The following NCOA2 variants were observed in gnomAD, a reference collection of about 807,000 sequenced individuals.
NCOA2 encodes the protein nuclear receptor coactivator 2.
Under a neutral mutation model 145.1 loss-of-function variants are expected in NCOA2, and 21 were observed. The observed-to-expected ratio is 0.14, with a 90% CI of 0.10 to 0.21. NCOA2 has a LOEUF of 0.21. NCOA2 is among the 10% of genes least tolerant of loss of function. The pLI is 1.00. For missense variants in NCOA2, 1,472 were observed against 1,837.6 expected (o/e 0.80, Z 3.64); for synonymous variants, 619 against 637.5 (o/e 0.97, Z 0.44).
At chr8:70,128,094 G>T (rs140695891) in intron 18 of NCOA2, among the ~76,000 whole-genome samples, 1 of 152,346 alleles carries the variant, frequency 6.6e-6, no homozygotes, top group African/African-American at 2.4e-5. Context: ...AAGGTTATGT[G>T]TTGACTGGAT....
chr8:70,228,004 C>CAAAAAAAAAAAAAAAAA, intron 2 of NCOA2, among the ~76,000 whole-genome samples: 1 of 112,282 alleles, frequency 8.9e-6, no homozygotes, highest in Non-Finnish European at 1.7e-5. Flanking sequence ...GACTCCATCT[C>CAAAAAAAAAAAAAAAAA]AAAAAAAAAA....
At chr8:70,339,431 G>C (rs1221249922) in intron 1 of NCOA2, among the ~76,000 whole-genome samples, 1 of 152,088 alleles carries the variant, frequency 6.6e-6, no homozygotes, top group Non-Finnish European at 1.5e-5. Context: ...CGAAATCACA[G>C]AGGAGACAAA....
chr8:70,285,939 A>G (rs547286911), intron 2 of NCOA2, among the ~76,000 whole-genome samples: 1 of 152,296 alleles, frequency 6.6e-6, no homozygotes, highest in South Asian at 2.1e-4. Context: ...CTACCTGACA[A>G]TATGATTTAA....
chr8:70,258,457 A>G (rs1823840832), intron 2 of NCOA2, among the ~76,000 whole-genome samples: 1 of 152,152 alleles, frequency 6.6e-6, no homozygotes, highest in Admixed American at 6.5e-5. Context: ...GTTTTTCTTT[A>G]TCTGCTATTT....
chr8:70,342,542 C>G (rs755697442), intron 1 of NCOA2, among the ~76,000 whole-genome samples: 3 of 152,010 alleles, frequency 2.0e-5, no homozygotes, highest in Non-Finnish European at 4.4e-5. Flanking sequence ...CAGCTTCCTT[C>G]TCTGGTTCTA....
intron 2 of NCOA2, among the ~76,000 whole-genome samples, chr8:70,223,804 T>C (rs1366183743): frequency 6.6e-6 from 1 of 152,210 alleles, no homozygotes; most frequent in Non-Finnish European, 1.5e-5. Context: ...ATCCAAACAG[T>C]TCCTCAATTC....
intron 2 of NCOA2, among the ~76,000 whole-genome samples, chr8:70,256,289 G>C (rs1215033540): frequency 6.6e-6 from 1 of 152,160 alleles, no homozygotes; most frequent in African/African-American, 2.4e-5. Context: ...AATGGAGGCA[G>C]ATTTGCAAGT....
At chr8:70,250,652 A>G (rs975417873) in intron 2 of NCOA2, among the ~76,000 whole-genome samples, 2 of 152,198 alleles carry the variant, frequency 1.3e-5, no homozygotes, top group Non-Finnish European at 2.9e-5. Flanking sequence ...CTAAATTTCT[A>G]TAATACAAAT....
intron 2 of NCOA2, among the ~76,000 whole-genome samples, chr8:70,252,674 C>T (rs1387753272): frequency 6.6e-6 from 1 of 152,196 alleles, no homozygotes; most frequent in African/African-American, 2.4e-5. Flanking sequence ...TCAAGTATTA[C>T]ACAGGTCATT....
the NCOA2 span, among the ~76,000 whole-genome samples, chr8:70,450,516 G>A: frequency 6.8e-6 from 1 of 147,210 alleles, no homozygotes; most frequent in South Asian, 2.2e-4. Context: ...ACTACCCAGT[G>A]TATGATACTT....
intron 1 of NCOA2, among the ~76,000 whole-genome samples, chr8:70,371,580 T>C (rs1811220370): frequency 6.6e-6 from 1 of 152,218 alleles, no homozygotes; most frequent in South Asian, 2.1e-4. Flanking sequence ...AAGTGATTTA[T>C]AGATATTCCT....
At chr8:70,147,915 G>A (rs1811283818) in intron 12 of NCOA2, among the ~76,000 whole-genome samples, 1 of 152,170 alleles carries the variant, frequency 6.6e-6, no homozygotes, top group Non-Finnish European at 1.5e-5. Context: ...GCTCCCAAAT[G>A]TTATATATTT....
chr8:70,198,061 A>G (rs1206522169), intron 4 of NCOA2, among the ~76,000 whole-genome samples: 1 of 152,152 alleles, frequency 6.6e-6, no homozygotes, highest in Non-Finnish European at 1.5e-5. Context: ...TTGGCCTCCC[A>G]AAGTGTTGGA....
intron 1 of NCOA2, among the ~76,000 whole-genome samples, chr8:70,398,485 A>G (rs1357746081): frequency 6.6e-6 from 1 of 152,098 alleles, no homozygotes; most frequent in Non-Finnish European, 1.5e-5. Context: ...AATAACAACA[A>G]CAGCAAGACC....
chr8:70,181,715 T>G (rs1228752034), intron 4 of NCOA2, among the ~76,000 whole-genome samples: 2 of 152,226 alleles, frequency 1.3e-5, no homozygotes, highest in Admixed American at 6.5e-5. Context: ...AATCTACGAA[T>G]TTTTCAGTAG....
the NCOA2 span, among the ~76,000 whole-genome samples, chr8:70,442,148 AAAG>A: frequency 5.1e-5 from 7 of 138,434 alleles, no homozygotes; most frequent in East Asian, 1.2e-3. Flanking sequence ...AGAAAGAAAG[AAAG>A]AAAGAAAGAA....
chr8:70,240,573 T>C (rs1184629241), intron 2 of NCOA2, among the ~76,000 whole-genome samples: 2 of 152,182 alleles, frequency 1.3e-5, no homozygotes, highest in East Asian at 1.9e-4. Flanking sequence ...TGGAACGCTA[T>C]AGAGGGTTCC....
chr8:70,144,136 T>C (rs1810764584), intron 13 of NCOA2, among the ~76,000 whole-genome samples: 1 of 152,250 alleles, frequency 6.6e-6, no homozygotes, highest in Non-Finnish European at 1.5e-5. Flanking sequence ...AAAAGGGAGC[T>C]GGGGACCAGA....
intron 2 of NCOA2, among the ~76,000 whole-genome samples, chr8:70,291,917 G>A (rs1826715168): frequency 6.6e-6 from 1 of 151,844 alleles, no homozygotes; most frequent in African/African-American, 2.4e-5. Flanking sequence ...GGCTAACACG[G>A]TGAAACCCCG....
Sources: gnomAD v4.1 joint callset for allele counts (sites outside exome capture counted in the v4.1 genomes callset) on GRCh38, gnomAD v4.1.1 for gene constraint, MANE v1.5 for transcripts, NCBI Gene and HGNC (gene_info 2026-07-23, HGNC 2026-07-21) for gene names.